FHIT: variants seen among roughly 807,000 people sequenced by gnomAD.
The protein encoded by FHIT is bis(5'-adenosyl)-triphosphatase.
FHIT carries 19 observed loss-of-function variants against 17.9 expected under a neutral mutation model. That is an observed-to-expected ratio of 1.06 (90% CI 0.74 to 1.56). The LOEUF (loss-of-function observed/expected upper bound fraction) is 1.56, where lower values mean the gene tolerates loss of function less well. Among genes scored for constraint, FHIT ranks in the 40% most tolerant of loss-of-function variants. FHIT has a pLI of 0.00. For synonymous variants in FHIT, 81 were observed against 69.7 expected (o/e 1.16, Z -0.81); for missense variants, 248 against 189.2 (o/e 1.31, Z -1.82).
intron 2 of FHIT, among the ~76,000 whole-genome samples, chr3:61,144,505 C>T (rs1003925075): frequency 2.6e-5 from 4 of 152,164 alleles, no homozygotes; most frequent in African/African-American, 9.7e-5. Flanking sequence ...TATGAACATT[C>T]ATGTACAAGT....
chr3:60,369,604 C>A (rs538327352), intron 5 of FHIT, among the ~76,000 whole-genome samples: 98 of 152,250 alleles, frequency 6.4e-4, no homozygotes, highest in Non-Finnish European at 1.3e-3. Flanking sequence ...TGCTTTTATA[C>A]TCTGTTAGAG....
chr3:60,126,726 A>C (rs572294404), intron 5 of FHIT, among the ~76,000 whole-genome samples: 2 of 152,282 alleles, frequency 1.3e-5, no homozygotes, highest in East Asian at 3.9e-4. Flanking sequence ...TTACCTCAAC[A>C]ATGTCCCTGC....
At chr3:61,228,427 G>C (rs1020439015) in intron 1 of FHIT, among the ~76,000 whole-genome samples, 1 of 152,146 alleles carries the variant, frequency 6.6e-6, no homozygotes, top group Non-Finnish European at 1.5e-5. Context: ...CCTTTGCCTT[G>C]TCACATCTTC....
chr3:60,599,703 G>A (rs975756452), intron 4 of FHIT, among the ~76,000 whole-genome samples: 3 of 136,042 alleles, frequency 2.2e-5, no homozygotes, highest in Non-Finnish European at 4.8e-5. Flanking sequence ...AAAAAGGAAT[G>A]CAATACTACC....
intron 8 of FHIT, among the ~76,000 whole-genome samples, chr3:59,845,726 T>C (rs1176499513): frequency 1.3e-5 from 2 of 152,152 alleles, no homozygotes; most frequent in African/African-American, 2.4e-5. Flanking sequence ...GTCTCACGTG[T>C]ACTTGAGAAG....
At chr3:60,179,701 G>A (rs890224097) in intron 5 of FHIT, among the ~76,000 whole-genome samples, 1 of 151,966 alleles carries the variant, frequency 6.6e-6, no homozygotes, top group East Asian at 1.9e-4. Flanking sequence ...AAAAAAATAG[G>A]TTCCTTCAGG....
chr3:59,910,659 G>A (rs1463772292), intron 8 of FHIT, among the ~76,000 whole-genome samples: 1 of 151,994 alleles, frequency 6.6e-6, no homozygotes, highest in East Asian at 1.9e-4. Context: ...AAAAATAGGG[G>A]GAGGAAGGAA....
intron 7 of FHIT, among the ~76,000 whole-genome samples, chr3:59,936,374 A>C (rs980492308): frequency 6.6e-6 from 1 of 152,226 alleles, no homozygotes; most frequent in African/African-American, 2.4e-5. Context: ...CAAATGAAAC[A>C]ATGATAGCAT....
chr3:59,970,629 A>G (rs936494000), intron 7 of FHIT, among the ~76,000 whole-genome samples: 1 of 152,070 alleles, frequency 6.6e-6, no homozygotes, highest in Non-Finnish European at 1.5e-5. Context: ...TTAGGGTGCA[A>G]TGGAAAAGAT....
chr3:59,980,425 T>C lies in FHIT; in HGVS notation c.279+30946A>G, dbSNP rs375483408. The stretch of plus-strand genomic sequence containing the variant: ...CAGTTTTGCCCAGTTCCTGAAGGTA[T>C]AATGCCTCTGGCTTTAGCTATAGGT... On this transcript the variant is annotated intron_variant, in intron 7 of 9. Transcript: ENST00000492590. Among the ~76,000 whole-genome samples the C allele has an allele frequency of 1.1e-4, 16 of 152,332 alleles. No individual in the cohort carries two copies. In the South Asian group the frequency reaches 3.1e-3, roughly 30 times the overall value.
intron 8 of FHIT, among the ~76,000 whole-genome samples, chr3:59,754,300 G>A (rs1051445892): frequency 4.6e-5 from 7 of 152,118 alleles, no homozygotes; most frequent in Non-Finnish European, 1.0e-4. Flanking sequence ...TCAGAATTTG[G>A]CTGCCAGCAC....
At chr3:60,962,584 A>T (rs1003207324) in intron 3 of FHIT, among the ~76,000 whole-genome samples, 5 of 152,180 alleles carry the variant, frequency 3.3e-5, no homozygotes, top group Non-Finnish European at 7.3e-5. Context: ...GATAGCTTGC[A>T]TTATTTTCAG....
intron 1 of FHIT, among the ~76,000 whole-genome samples, chr3:61,216,599 A>G (rs1271898211): frequency 1.3e-5 from 2 of 152,222 alleles, no homozygotes; most frequent in Non-Finnish European, 2.9e-5. Context: ...TTCCTCAGGG[A>G]TCTAGAACTA....
intron 5 of FHIT, among the ~76,000 whole-genome samples, chr3:60,281,199 C>A (rs1304928875): frequency 6.6e-6 from 1 of 151,988 alleles, no homozygotes; most frequent in Non-Finnish European, 1.5e-5. Context: ...GAAATAAAAT[C>A]TAAATAAACG....
rs763956895 is a variant in FHIT at position 60,297,246 on chromosome 3, T to A, written c.103+239614A>T. On this transcript the variant is annotated intron_variant, in intron 5 of 9. Coordinates refer to ENST00000492590, the MANE Select transcript of FHIT (RefSeq NM_002012.4). Reference sequence around the variant, plus strand: ...ATCAACTTGGGAGAACTGACATATTTACTATGATGAATCTTCTAACCTGTG... The same window carrying A: ...ATCAACTTGGGAGAACTGACATATTAACTATGATGAATCTTCTAACCTGTG... Among the ~76,000 whole-genome samples, 158 of 152,140 alleles carry A rather than the reference T, an allele frequency of 1.0e-3. 1 individual carries two copies. Among genetic ancestry groups the A allele is most frequent in the Non-Finnish European group, 8.7e-4 (59 of 68,004 alleles).
chr3:60,027,524 T>G (rs1700801883), intron 5 of FHIT, among the ~76,000 whole-genome samples: 1 of 152,032 alleles, frequency 6.6e-6, no homozygotes, highest in South Asian at 2.1e-4. Context: ...AGAAACTGCT[T>G]AAATAACCAC....
At chr3:60,742,031 C>T (rs1426077902) in intron 4 of FHIT, among the ~76,000 whole-genome samples, 1 of 152,162 alleles carries the variant, frequency 6.6e-6, no homozygotes, top group East Asian at 1.9e-4. Context: ...ATGCATGAAC[C>T]GTACTTGAAA....
chr3:61,134,295 T>G (rs1480622720), intron 2 of FHIT, among the ~76,000 whole-genome samples: 1 of 151,902 alleles, frequency 6.6e-6, no homozygotes, highest in African/African-American at 2.4e-5. Context: ...AAAGAAAAGC[T>G]GAAAACAGTG....
intron 8 of FHIT, among the ~76,000 whole-genome samples, chr3:59,781,740 G>A (rs938002051): frequency 3.3e-5 from 5 of 152,146 alleles, no homozygotes; most frequent in African/African-American, 9.7e-5. Flanking sequence ...TTGAAACCAC[G>A]ACATTTTTTT....
Sources: allele counts gnomAD v4.1 joint callset (sites outside exome capture counted in the v4.1 genomes callset), GRCh38; gene constraint gnomAD v4.1.1; transcripts MANE v1.5; gene names NCBI Gene and HGNC (gene_info 2026-07-23, HGNC 2026-07-21).